The following PTPRK variants were observed in gnomAD, a reference collection of about 807,000 sequenced individuals.
The protein encoded by PTPRK is receptor-type tyrosine-protein phosphatase kappa.
Under a neutral mutation model 178.0 loss-of-function variants are expected in PTPRK, and 75 were observed. That is an observed-to-expected ratio of 0.42 (90% CI 0.35 to 0.51). The LOEUF is 0.51. Among genes scored for constraint, PTPRK ranks in the 20% least tolerant of loss-of-function variants. PTPRK has a pLI of 0.02. For synonymous variants in PTPRK, 637 were observed against 620.6 expected (o/e 1.03, Z -0.39); for missense variants, 1,441 against 1,797.8 (o/e 0.80, Z 3.59).
At chr6:128,185,252 C>T (rs1175408886) in intron 6 of PTPRK, among the ~76,000 whole-genome samples, 10 of 152,062 alleles carry the variant, frequency 6.6e-5, no homozygotes. Context: ...TAAATTTACA[C>T]CTAGGCACAA....
chr6:128,171,037 A>T (rs10499138), intron 7 of PTPRK, among the ~76,000 whole-genome samples: 4,162 of 152,068 alleles, frequency 0.027, 154 homozygotes, highest in African/African-American at 0.065. Context: ...CTATAAGATA[A>T]TTCTCCCATA....
intron 7 of PTPRK, among the ~76,000 whole-genome samples, chr6:128,143,676 T>C (rs1297494701): frequency 6.6e-6 from 1 of 152,206 alleles, no homozygotes; most frequent in Non-Finnish European, 1.5e-5. Context: ...ACTTCTAGTC[T>C]GCTGGCCTTT....
intron 1 of PTPRK, among the ~76,000 whole-genome samples, chr6:128,470,398 AAT>A (rs55911613): frequency 0.15 from 22,173 of 151,056 alleles, 1,826 homozygotes; most frequent in Non-Finnish European, 0.19. Flanking sequence ...CTTAACCTCT[AAT>A]GCGTTTTTTT....
At chr6:127,991,818 G>A (rs1015020739) in intron 19 of PTPRK, among the ~76,000 whole-genome samples, 3 of 151,514 alleles carry the variant, frequency 2.0e-5, no homozygotes, top group African/African-American at 2.4e-5. Flanking sequence ...ATCCTTACAC[G>A]TAAGGACATA....
rs147459894 is a variant in PTPRK, at chr6:128,346,183, A to T, written c.224-23873T>A. Among the ~76,000 whole-genome samples the T allele has an allele frequency of 5.3e-4, 81 of 152,204 alleles. No individual in the cohort carries two copies. The East Asian group carries it at 0.013, about 25-fold the overall frequency. On this transcript the variant is annotated intron_variant, in intron 2 of 29. Transcript: ENST00000368226. ...GCTCTGAGTGGCCACAATCTCATAG[A>T]ATTCTATGATTTTTAGGGACCTGGG...
intron 6 of PTPRK, among the ~76,000 whole-genome samples, chr6:128,203,536 C>G (rs1806347427): frequency 6.6e-6 from 1 of 152,180 alleles, no homozygotes; most frequent in African/African-American, 2.4e-5. Flanking sequence ...ACCCCATCAC[C>G]TCAGCCTAAA....
intron 13 of PTPRK, among the ~76,000 whole-genome samples, chr6:128,017,802 G>GTGTGTATA (rs1287001811): frequency 3.0e-5 from 3 of 101,256 alleles, no homozygotes; most frequent in African/African-American, 9.9e-5. Context: ...ATATATATGT[G>GTGTGTATA]TATATATATA....
chr6:128,077,424 C>G (rs1784034563), intron 11 of PTPRK, among the ~76,000 whole-genome samples: 1 of 151,970 alleles, frequency 6.6e-6, no homozygotes, highest in Non-Finnish European at 1.5e-5. Context: ...TTTAGCCAGA[C>G]AAGACTCAAG....
intron 1 of PTPRK, among the ~76,000 whole-genome samples, chr6:128,501,897 G>A (rs1397342869): frequency 1.3e-5 from 2 of 152,190 alleles, no homozygotes; most frequent in African/African-American, 4.8e-5. Context: ...TTTTGTAGAT[G>A]TTAACAATTT....
chr6:128,212,187 T>G (rs1312204638), intron 6 of PTPRK, among the ~76,000 whole-genome samples: 1 of 152,064 alleles, frequency 6.6e-6, no homozygotes. Flanking sequence ...CTACATTTCC[T>G]ATAGAATTAA....
At chr6:128,509,848 G>A (rs545307737) in intron 1 of PTPRK, among the ~76,000 whole-genome samples, 28 of 152,082 alleles carry the variant, frequency 1.8e-4, no homozygotes, top group Non-Finnish European at 3.8e-4. Context: ...TTGGTTCTGA[G>A]GTAGGTTGCT....
intron 1 of PTPRK, among the ~76,000 whole-genome samples, chr6:128,504,376 G>C (rs902685362): frequency 1.3e-5 from 2 of 152,188 alleles, no homozygotes; most frequent in Admixed American, 6.5e-5. Flanking sequence ...AATGAGCAAG[G>C]AGCAAGGATA....
At chr6:128,164,722 G>T (rs991350767) in intron 7 of PTPRK, among the ~76,000 whole-genome samples, 1 of 151,122 alleles carries the variant, frequency 6.6e-6, no homozygotes, top group African/African-American at 2.4e-5. Flanking sequence ...TACAGGCTGG[G>T]GGGGGAGATT....
At chr6:128,173,509 A>G (rs1334909673) in intron 7 of PTPRK, among the ~76,000 whole-genome samples, 1 of 152,018 alleles carries the variant, frequency 6.6e-6, no homozygotes, top group Non-Finnish European at 1.5e-5. Context: ...TTAAATCTGT[A>G]TATCCTGCTG....
chr6:128,171,170 T>A (rs1800191568), intron 7 of PTPRK, among the ~76,000 whole-genome samples: 1 of 151,848 alleles, frequency 6.6e-6, no homozygotes, highest in African/African-American at 2.4e-5. Context: ...CAAGTAAAAT[T>A]TTACTTTCTT....
intron 2 of PTPRK, among the ~76,000 whole-genome samples, chr6:128,346,096 T>C (rs1365200188): frequency 2.6e-5 from 4 of 151,988 alleles, no homozygotes; most frequent in African/African-American, 4.8e-5. Flanking sequence ...TGAATAACAA[T>C]CAGAAGCAGG....
At chr6:127,984,191 G>A (rs1341233170) in intron 22 of PTPRK, among the ~76,000 whole-genome samples, 1 of 152,094 alleles carries the variant, frequency 6.6e-6, no homozygotes, top group African/African-American at 2.4e-5. Context: ...GATCAGAAAA[G>A]GGTGATTGGC....
At chr6:128,087,291 A>G (rs1434604075) in intron 8 of PTPRK, among the ~76,000 whole-genome samples, 1 of 152,216 alleles carries the variant, frequency 6.6e-6, no homozygotes, top group Non-Finnish European at 1.5e-5. Flanking sequence ...AAAACTATGT[A>G]ACTGAGTCTA....
At chr6:128,188,752 G>C (rs550158229) in intron 6 of PTPRK, among the ~76,000 whole-genome samples, 1 of 152,272 alleles carries the variant, frequency 6.6e-6, no homozygotes, top group Admixed American at 6.5e-5. Context: ...AAAGGCTCTA[G>C]GAGAAAATCA....
Sources: gnomAD v4.1 joint callset for allele counts (sites outside exome capture counted in the v4.1 genomes callset) on GRCh38, gnomAD v4.1.1 for gene constraint, MANE v1.5 for transcripts, NCBI Gene and HGNC (gene_info 2026-07-23, HGNC 2026-07-21) for gene names.